Variants in RAP1A observed in about 807,000 individuals in gnomAD.
RAP1A encodes ras-related protein Rap-1A.
In RAP1A, 6 loss-of-function variants were observed where a neutral mutation model predicts 26.4. The observed-to-expected ratio is 0.23, with a 90% confidence interval of 0.12 to 0.45. RAP1A has a LOEUF of 0.45. RAP1A is among the 20% of genes least tolerant of loss of function. RAP1A has a pLI of 0.99. For missense variants in RAP1A, 121 were observed against 217.2 expected (o/e 0.56, Z 2.78); for synonymous variants, 73 against 79.4 (o/e 0.92, Z 0.43).
chr1:111,598,503 G>A (rs1414812091), intron 1 of RAP1A, among the ~76,000 whole-genome samples: 1 of 151,954 alleles, frequency 6.6e-6, no homozygotes, highest in East Asian at 1.9e-4. Flanking sequence ...CTGTTGAGGA[G>A]CACTTTTAAG....
chr1:111,678,363 T>A (rs1661192021), intron 1 of RAP1A, among the ~76,000 whole-genome samples: 1 of 152,240 alleles, frequency 6.6e-6, no homozygotes, highest in South Asian at 2.1e-4. Context: ...TCTTACTGGA[T>A]GTTTTTGTAA....
At chr1:111,680,275 A>T (rs1312080048) in intron 1 of RAP1A, among the ~76,000 whole-genome samples, 2 of 152,180 alleles carry the variant, frequency 1.3e-5, no homozygotes, top group African/African-American at 4.8e-5. Context: ...AAGTGTCCAC[A>T]TCGTGGAAGG....
At chr1:111,564,061 G>A (rs1331175884) in intron 1 of RAP1A, 6 of 777,114 alleles carry the variant, frequency 7.7e-6, no homozygotes, top group African/African-American at 1.7e-5. Flanking sequence ...GTTTTGGGGG[G>A]TAGAGAATTG....
chr1:111,579,712 A>C (rs569984221), intron 1 of RAP1A, among the ~76,000 whole-genome samples: 1 of 152,232 alleles, frequency 6.6e-6, no homozygotes, highest in Non-Finnish European at 1.5e-5. Context: ...AGACAAACTC[A>C]TAACACGTAT....
At chr1:111,688,822 G>GTTTTTTTTTTTGTTTTTTTTTTTTT (rs1661579703) in intron 1 of RAP1A, among the ~76,000 whole-genome samples, 2 of 90,062 alleles carry the variant, frequency 2.2e-5, no homozygotes, top group Non-Finnish European at 4.6e-5. Flanking sequence ...TTTTTTTTTT[G>GTTTTTTTTTTTGTTTTTTTTTTTTT]TTTTTTTTTT....
intron 1 of RAP1A, chr1:111,680,812 ACAGAAGGAAAAC>A (rs1423395074): frequency 2.4e-5 from 1 of 42,532 alleles, no homozygotes; most frequent in Non-Finnish European, 4.4e-5. Flanking sequence ...AGGAAAACTA[ACAGAAGGAAAAC>A]TAACAAACAG....
At chr1:111,669,181 G>T (rs146166147) in intron 1 of RAP1A, among the ~76,000 whole-genome samples, 102 of 152,250 alleles carry the variant, frequency 6.7e-4, no homozygotes, top group African/African-American at 2.3e-3. Context: ...TGGAAAATAT[G>T]TAAAAAGGAA....
intron 1 of RAP1A, among the ~76,000 whole-genome samples, chr1:111,554,132 C>A (rs1046226894): frequency 1.2e-4 from 19 of 152,326 alleles, no homozygotes; most frequent in African/African-American, 4.3e-4. Flanking sequence ...CTTCCCTATG[C>A]CTCAGTTTCT....
chr1:111,590,211 G>A (rs566811422), intron 1 of RAP1A, among the ~76,000 whole-genome samples: 1 of 152,246 alleles, frequency 6.6e-6, no homozygotes, highest in African/African-American at 2.4e-5. Flanking sequence ...TAATCACATT[G>A]ATTGTGAATA....
intron 7 of RAP1A, among the ~76,000 whole-genome samples, chr1:111,709,655 C>T (rs993770206): frequency 2.1e-4 from 32 of 152,154 alleles, no homozygotes; most frequent in African/African-American, 7.2e-4. Flanking sequence ...GTGACATACC[C>T]GTATATAACA....
At chr1:111,699,028 A>G (rs1160360230) in intron 4 of RAP1A, among the ~76,000 whole-genome samples, 1 of 151,966 alleles carries the variant, frequency 6.6e-6, no homozygotes, top group Non-Finnish European at 1.5e-5. Flanking sequence ...TCTATCACAG[A>G]GATCTTTACT....
chr1:111,582,988 G>A (rs1424774841), intron 1 of RAP1A, among the ~76,000 whole-genome samples: 1 of 152,218 alleles, frequency 6.6e-6, no homozygotes, highest in Non-Finnish European at 1.5e-5. Flanking sequence ...AGGGTGCATG[G>A]AGGTCTAGAG....
At chr1:111,632,879 C>T (rs920536285) in intron 1 of RAP1A, among the ~76,000 whole-genome samples, 34 of 143,200 alleles carry the variant, frequency 2.4e-4, no homozygotes, top group Non-Finnish European at 4.5e-4. Flanking sequence ...CAGGATGGTG[C>T]CATTGCACTG....
intron 1 of RAP1A, among the ~76,000 whole-genome samples, chr1:111,682,591 T>C (rs1223734472): frequency 6.6e-6 from 1 of 151,744 alleles, no homozygotes; most frequent in Non-Finnish European, 1.5e-5. Flanking sequence ...ACAGTGGCAT[T>C]ACATAATGAT....
chr1:111,633,536 G>A (rs1303921957), intron 1 of RAP1A, among the ~76,000 whole-genome samples: 1 of 152,064 alleles, frequency 6.6e-6, no homozygotes, highest in Non-Finnish European at 1.5e-5. Flanking sequence ...AGGTTATTTC[G>A]GTAGTGTTTC....
intron 1 of RAP1A, among the ~76,000 whole-genome samples, chr1:111,584,039 G>A (rs774859347): frequency 6.6e-6 from 1 of 151,722 alleles, no homozygotes; most frequent in Non-Finnish European, 1.5e-5. Context: ...CCACCACCAT[G>A]CCCAGCTAGT....
chr1:111,621,992 C>A (rs944707682), intron 1 of RAP1A, among the ~76,000 whole-genome samples: 3 of 152,058 alleles, frequency 2.0e-5, no homozygotes, highest in Admixed American at 2.0e-4. Flanking sequence ...AGGAAATATT[C>A]CAAAAGAAAG....
At chr1:111,618,524 G>C (rs564702089), upstream of RAP1A, among the ~76,000 whole-genome samples, 5 of 152,184 alleles carry the variant, frequency 3.3e-5, no homozygotes, top group South Asian at 1.0e-3. Context: ...ATCCTAACTA[G>C]ACTTAAGACT....
At chr1:111,627,700 A>G (rs911585278) in intron 1 of RAP1A, 1 of 151,944 alleles carries the variant, frequency 6.6e-6, no homozygotes, top group African/African-American at 2.4e-5. Context: ...TCCTGAAATG[A>G]GTTTCTTTAA....
Sources: gnomAD v4.1 joint callset for allele counts (sites outside exome capture counted in the v4.1 genomes callset) on GRCh38, gnomAD v4.1.1 for gene constraint, MANE v1.5 for transcripts, NCBI Gene and HGNC (gene_info 2026-07-23, HGNC 2026-07-21) for gene names.